FARP1: variants seen among roughly 807,000 people sequenced by gnomAD.
FARP1 encodes FERM, ARH/RhoGEF and pleckstrin domain protein 1.
In FARP1, 52 loss-of-function variants were observed where a neutral mutation model predicts 128.8. The observed-to-expected ratio is 0.40, with a 90% CI of 0.32 to 0.51. The LOEUF (loss-of-function observed/expected upper bound fraction) is 0.51, where lower values mean the gene tolerates loss of function less well. FARP1 is among the 20% of genes least tolerant of loss of function. The pLI is 0.45. For missense variants in FARP1, 1,333 were observed against 1,367.9 expected (o/e 0.97, Z 0.40); for synonymous variants, 580 against 551.8 (o/e 1.05, Z -0.72).
chr13:98,300,417 A>T (rs1304130619), intron 2 of FARP1, among the ~76,000 whole-genome samples: 2 of 152,178 alleles, frequency 1.3e-5, no homozygotes, highest in African/African-American at 4.8e-5. Context: ...CAGTGAAGAG[A>T]GCTGGGCAGA....
At chr13:98,380,102 C>T (rs76936456) in intron 6 of FARP1, among the ~76,000 whole-genome samples, 7,360 of 152,198 alleles carry the variant, frequency 0.048, 446 homozygotes, top group African/African-American at 0.14. Flanking sequence ...GCCATTGAGT[C>T]GTGTACTTCT....
intron 13 of FARP1, 109 bp downstream of exon 13, chr13:98,395,585 G>GGTCCCGATCCCC: frequency 7.5e-7 from 1 of 1,328,390 alleles, no homozygotes; most frequent in South Asian, 1.5e-5. Context: ...TCCCGATCCC[G>GGTCCCGATCCCC]GTCCCGATCC....
intron 2 of FARP1, among the ~76,000 whole-genome samples, chr13:98,322,784 A>G (rs2139795297): frequency 1.3e-5 from 2 of 152,350 alleles, no homozygotes; most frequent in African/African-American, 4.8e-5. Flanking sequence ...CATCTTGCAC[A>G]AAGGCAGCCG....
At chr13:98,185,375 T>C (rs1439221636) in intron 1 of FARP1, among the ~76,000 whole-genome samples, 1 of 152,048 alleles carries the variant, frequency 6.6e-6, no homozygotes, top group Admixed American at 6.6e-5. Context: ...GGCGTTGGGA[T>C]TGGTAAGATA....
chr13:98,176,829 C>A lies in FARP1; in HGVS notation c.-24+33337C>A. On this transcript the variant is annotated intron_variant, in intron 1 of 26. Coordinates refer to ENST00000319562, the MANE Select transcript of FARP1 (RefSeq NM_005766.4). This position sits in a 1 kb window ranked among gnomAD's most constrained non-coding sequence, Gnocchi z 6.2. ...GGTCGTGCTCCCGACCCCGCAGTGC[C>A]TCCTGGACCCGCTGGCTGCACTTGA... 1 of 1,612,292 alleles carries A rather than the reference C, an allele frequency of 6.2e-7. No homozygotes were observed. The highest frequency in any genetic ancestry group is 8.5e-7 in the Non-Finnish European group (1 of 1,179,996).
At chr13:98,256,949 A>ATATATG (rs1566800986) in intron 2 of FARP1, among the ~76,000 whole-genome samples, 14 of 21,688 alleles carry the variant, frequency 6.5e-4, no homozygotes, top group African/African-American at 1.0e-3. Flanking sequence ...ATATATGTGG[A>ATATATG]TATATATATA....
chr13:98,408,865 G>A (rs1403245222), intron 13 of FARP1, among the ~76,000 whole-genome samples: 1 of 152,182 alleles, frequency 6.6e-6, no homozygotes, highest in Non-Finnish European at 1.5e-5. Flanking sequence ...TTAGTTGCTT[G>A]ACCTTTCTGT....
chr13:98,223,174 C>T (rs1881531359), intron 2 of FARP1, among the ~76,000 whole-genome samples: 1 of 152,208 alleles, frequency 6.6e-6, no homozygotes. Flanking sequence ...GGGAGAGCAC[C>T]TGCAGTCATC....
chr13:98,424,928 G>C (rs1286294763), intron 17 of FARP1, among the ~76,000 whole-genome samples: 4 of 150,954 alleles, frequency 2.6e-5, no homozygotes, highest in Admixed American at 2.6e-4. Flanking sequence ...GCTATCGTTA[G>C]TGTTAGTGTA....
chr13:98,229,284 T>C (rs908450489), intron 2 of FARP1, among the ~76,000 whole-genome samples: 1 of 152,222 alleles, frequency 6.6e-6, no homozygotes, highest in African/African-American at 2.4e-5. Flanking sequence ...TGCTGTTGTG[T>C]TGTAGCATTT....
At chr13:98,221,119 T>G (rs1191173530) in intron 2 of FARP1, among the ~76,000 whole-genome samples, 1 of 152,150 alleles carries the variant, frequency 6.6e-6, no homozygotes, top group Non-Finnish European at 1.5e-5. Context: ...TCTCTACACA[T>G]GGAGAATACC....
At chr13:98,198,909 C>CA (rs76856937) in intron 1 of FARP1, among the ~76,000 whole-genome samples, 7 of 2,244 alleles carry the variant, frequency 3.1e-3, no homozygotes, top group African/African-American at 7.5e-3. Flanking sequence ...GCTCCCCCTC[C>CA]CCCTTTCCCC....
chr13:98,198,817 G>A (rs1879741352), intron 1 of FARP1, among the ~76,000 whole-genome samples: 1 of 134,582 alleles, frequency 7.4e-6, no homozygotes, highest in African/African-American at 2.8e-5. Flanking sequence ...GGCCAAGATT[G>A]CAGTGAGCTG....
chr13:98,212,392 T>A (rs1413008032), intron 1 of FARP1, among the ~76,000 whole-genome samples: 3 of 151,946 alleles, frequency 2.0e-5, no homozygotes, highest in African/African-American at 7.3e-5. Flanking sequence ...AAAGCAGTGG[T>A]AGAAGTTTCC....
chr13:98,455,126 ATTG>A lies in FARP1; in HGVS notation c.*6815_*6817del, dbSNP rs1002930850. On this transcript the variant is annotated 3_prime_UTR_variant, in exon 27 of 27. Coordinates refer to ENST00000319562, the MANE Select transcript of FARP1 (RefSeq NM_005766.4). ...AAAAATGTAAAATACCTTATTGATG[ATTG>A]TTGTTATTAATGTTGAAATAATACT... 1 of 152,236 alleles carries A rather than the reference ATTG, an allele frequency of 6.6e-6. No individual in the cohort carries two copies. Among genetic ancestry groups the A allele is most frequent in the African/African-American group, 2.4e-5 (1 of 41,460 alleles). The allele number at this position is 152,236 out of a possible 1,614,324, so 9.4% of individuals were successfully genotyped here.
At chr13:98,360,147 G>A (rs1429875382) in intron 3 of FARP1, among the ~76,000 whole-genome samples, 2 of 147,146 alleles carry the variant, frequency 1.4e-5, no homozygotes, top group African/African-American at 5.1e-5. Context: ...ACAGGCTGGA[G>A]TGCAATGGTG....
intron 2 of FARP1, among the ~76,000 whole-genome samples, chr13:98,307,487 C>T (rs1001546452): frequency 6.6e-6 from 1 of 152,104 alleles, no homozygotes; most frequent in South Asian, 2.1e-4. Flanking sequence ...TATCTCCTGC[C>T]CAGCCTTGTG....
At chr13:98,210,954 G>C (rs1269632833) in intron 1 of FARP1, among the ~76,000 whole-genome samples, 1 of 152,178 alleles carries the variant, frequency 6.6e-6, no homozygotes, top group Non-Finnish European at 1.5e-5. Context: ...TTCCATTGCT[G>C]CTGTCCAGAT....
rs114776506 is a variant in FARP1 at position 98,270,316 on chromosome 13, C to G, written c.171+56903C>G. Among the ~76,000 whole-genome samples, 850 of 152,068 alleles carry G rather than the reference C, an allele frequency of 5.6e-3. 11 individuals carry two copies. Among genetic ancestry groups the G allele is most frequent in the African/African-American group, 0.012 (509 of 41,496 alleles). On this transcript the variant is annotated intron_variant, in intron 2 of 26. Coordinates refer to ENST00000319562, the MANE Select transcript of FARP1 (RefSeq NM_005766.4). ...ATGAAGATTGAGCTGTTCACACATCCTCAGTAATATACAAGTAGTATATCC... is the reference window on the plus strand; with the variant it reads ...ATGAAGATTGAGCTGTTCACACATCGTCAGTAATATACAAGTAGTATATCC...
Sources: gnomAD v4.1 joint callset for allele counts (sites outside exome capture counted in the v4.1 genomes callset) on GRCh38, gnomAD v4.1.1 for gene constraint, Gnocchi (gnomAD v3.1) non-coding constraint, MANE v1.5 for transcripts, NCBI Gene and HGNC (gene_info 2026-07-23, HGNC 2026-07-21) for gene names.